The following TEX9 variants were observed in gnomAD, a reference collection of about 807,000 sequenced individuals.
TEX9 encodes the protein testis expressed 9.
Under a neutral mutation model 59.6 loss-of-function variants are expected in TEX9, and 74 were observed. The observed-to-expected ratio is 1.24, with a 90% confidence interval of 1.03 to 1.51. The LOEUF is 1.51. Among genes scored for constraint, TEX9 ranks in the 40% most tolerant of loss-of-function variants. The probability of loss-of-function intolerance (pLI) is 0.00; values close to 1 mark genes in which losing one functional copy is unlikely to be tolerated. For missense variants in TEX9, 522 were observed against 447.8 expected, an observed-to-expected ratio of 1.17 and a Z score of -1.49; for synonymous variants, 186 against 152.2, an observed-to-expected ratio of 1.22 and a Z score of -1.64.
intron 1 of TEX9, among the ~76,000 whole-genome samples, chr15:56,270,631 T>C (rs1205166439): frequency 2.6e-5 from 4 of 152,252 alleles, no homozygotes; most frequent in Non-Finnish European, 5.9e-5. Flanking sequence ...TTAGCCTATT[T>C]ACATTTAAGG....
At chr15:56,431,570 T>C (rs2050597163) in intron 12 of TEX9, 2 of 1,482,000 alleles carry the variant, frequency 1.3e-6, no homozygotes, top group East Asian at 4.6e-5. Flanking sequence ...ATAAAACTAC[T>C]CATGCAATGA....
intron 1 of TEX9, among the ~76,000 whole-genome samples, chr15:56,255,908 CA>C (rs1265048436): frequency 6.6e-6 from 1 of 152,008 alleles, no homozygotes; most frequent in East Asian, 1.9e-4. Flanking sequence ...ACAGTGAATG[CA>C]TAGTCTCCTC....
intron 1 of TEX9, among the ~76,000 whole-genome samples, chr15:56,282,751 T>G (rs2141462047): frequency 6.6e-6 from 1 of 152,232 alleles, no homozygotes; most frequent in East Asian, 1.9e-4. Context: ...TGTGGAAAAT[T>G]CCTTAGCAAA....
rs1409612736 is a variant in TEX9, at chr15:56,365,573, T to A, written c.28-6T>A. ...TCGGGTCTGAAAGTCTGTGGCTCTT[T>A]TACAGAGAAGCAGCGTTCCAGGGAC... On this transcript the variant is annotated splice_polypyrimidine_tract_variant and splice_region_variant and intron_variant, in intron 1 of 12. Transcript: ENST00000352903. 1 of 1,614,100 alleles carries A rather than the reference T, an allele frequency of 6.2e-7. No homozygotes were observed. The highest frequency in any genetic ancestry group is 8.5e-7 in the Non-Finnish European group (1 of 1,180,046).
At chr15:56,342,745 A>G (rs1187603728) in intron 1 of TEX9, among the ~76,000 whole-genome samples, 5 of 152,272 alleles carry the variant, frequency 3.3e-5, no homozygotes, top group African/African-American at 1.2e-4. Context: ...TAAGGAGTGT[A>G]TTCAAGAAAC....
intron 1 of TEX9, among the ~76,000 whole-genome samples, chr15:56,291,774 G>T (rs1220580085): frequency 2.0e-5 from 3 of 152,182 alleles, no homozygotes; most frequent in Admixed American, 2.0e-4. Context: ...GTATGGGTAT[G>T]TCTTTGTTTT....
chr15:56,402,855 A>G (rs961227274), intron 9 of TEX9, among the ~76,000 whole-genome samples: 1 of 152,254 alleles, frequency 6.6e-6, no homozygotes, highest in Admixed American at 6.5e-5. Flanking sequence ...AATGTAATCC[A>G]TCACATAAAC....
intron 2 of TEX9, among the ~76,000 whole-genome samples, chr15:56,371,053 C>G (rs541675543): frequency 6.6e-6 from 1 of 152,072 alleles, no homozygotes; most frequent in Non-Finnish European, 1.5e-5. Context: ...GCCGGGGTTT[C>G]GCTATGTTGG....
At chr15:56,312,695 G>A (rs1326626982) in intron 1 of TEX9, among the ~76,000 whole-genome samples, 6 of 116,190 alleles carry the variant, frequency 5.2e-5, no homozygotes, top group Non-Finnish European at 1.1e-4. Context: ...GTCATTGGTA[G>A]CTTGATGGGG....
At chr15:56,390,294 A>T (rs1158874786) in intron 6 of TEX9, among the ~76,000 whole-genome samples, 1 of 152,008 alleles carries the variant, frequency 6.6e-6, no homozygotes, top group Non-Finnish European at 1.5e-5. Flanking sequence ...TGATAGCACA[A>T]TAGGGTGACG....
At position 56,287,051 on chromosome 15, in the gene TEX9, T is replaced by C. The variant is rs143725385; in HGVS notation, c.-107+42773T>C. Among the ~76,000 whole-genome samples, 405 of 152,264 alleles carry C rather than the reference T, an allele frequency of 2.7e-3. 4 individuals carry two copies. The highest frequency in any genetic ancestry group is 9.2e-3 in the African/African-American group (384 of 41,558). On this transcript the variant is annotated intron_variant, in intron 1 of 5. Coordinates refer to the TEX9 transcript ENST00000560827. ...TGTCAGAATGCTTTGTAATGCAGCATAGGACATGGAGGATGCTCTATATTT... is the reference window on the plus strand; with the variant it reads ...TGTCAGAATGCTTTGTAATGCAGCACAGGACATGGAGGATGCTCTATATTT...
At chr15:56,425,104 G>C (rs2050178766) in intron 10 of TEX9, among the ~76,000 whole-genome samples, 1 of 151,926 alleles carries the variant, frequency 6.6e-6, no homozygotes, top group South Asian at 2.1e-4. Flanking sequence ...TGAAAAATCT[G>C]CTGATAATCT....
At chr15:56,375,010 G>A (rs1421913885) in intron 3 of TEX9, among the ~76,000 whole-genome samples, 1 of 152,082 alleles carries the variant, frequency 6.6e-6, no homozygotes, top group Non-Finnish European at 1.5e-5. Flanking sequence ...CAACAAACAT[G>A]GAAGTGCAGA....
At chr15:56,413,361 TTAA>T (rs2049503895) in intron 10 of TEX9, among the ~76,000 whole-genome samples, 1 of 149,702 alleles carries the variant, frequency 6.7e-6, no homozygotes, top group African/African-American at 2.4e-5. Flanking sequence ...ACAATTCTGT[TTAA>T]TAATTAAACT....
chr15:56,334,642 A>G (rs1022461804), intron 1 of TEX9, among the ~76,000 whole-genome samples: 1 of 152,130 alleles, frequency 6.6e-6, no homozygotes. Context: ...CAAAGCAAAA[A>G]TGGACAAATG....
At chr15:56,350,805 A>G (rs1351620008) in intron 1 of TEX9, among the ~76,000 whole-genome samples, 1 of 152,192 alleles carries the variant, frequency 6.6e-6, no homozygotes, top group Non-Finnish European at 1.5e-5. Context: ...CATTAGTATA[A>G]ACCTATTTAA....
At chr15:56,455,753 A>G in the TEX9 span, among the ~76,000 whole-genome samples, 7 of 152,136 alleles carry the variant, frequency 4.6e-5, no homozygotes, top group African/African-American at 1.7e-4. Context: ...TATGGGGGCA[A>G]TTAAGGAATA....
At position 56,445,841 on chromosome 15, in the gene TEX9, A is replaced by G. The variant is rs1420922988; in HGVS notation, c.*200A>G. 3.9e-5 allele frequency: 6 copies of G among 152,096 alleles called. No homozygotes were observed. The East Asian group carries it at 1.2e-3, about 29-fold the overall frequency. 9.4% of individuals were successfully genotyped at this position (152,096 alleles called of 1,614,324 possible). On this transcript the variant is annotated 3_prime_UTR_variant, in exon 13 of 13. Transcript: ENST00000352903. ...TCTACAACTACCTTGAATAACTTCA[A>G]CTATCAGGATAATTAAAACTGCAAA...
chr15:56,388,402 T>C, intron 4 of TEX9, 70 bp from the exon 5 acceptor site: 1 of 1,183,876 alleles, frequency 8.4e-7, no homozygotes, highest in Non-Finnish European at 1.2e-6. Flanking sequence ...TCAAATATAA[T>C]TGTTGAATTT....
Sources: allele counts gnomAD v4.1 joint callset (sites outside exome capture counted in the v4.1 genomes callset), GRCh38; gene constraint gnomAD v4.1.1; transcripts MANE v1.5; gene names NCBI Gene and HGNC (gene_info 2026-07-23, HGNC 2026-07-21).